The following LHFPL3 variants were observed in gnomAD, a reference collection of about 807,000 sequenced individuals.
LHFPL3 encodes LHFPL tetraspan subfamily member 3.
A neutral mutation model predicts 19.3 loss-of-function variants in LHFPL3; 5 were observed. The observed-to-expected ratio is 0.26, with a 90% confidence interval of 0.14 to 0.54. LHFPL3 has a LOEUF of 0.54. LHFPL3 is among the 20% of genes least tolerant of loss of function. LHFPL3 has a pLI of 0.94. For synonymous variants in LHFPL3, 133 were observed against 126.2 expected (o/e 1.05, Z -0.36); for missense variants, 249 against 307.4 (o/e 0.81, Z 1.42).
intron 2 of LHFPL3, among the ~76,000 whole-genome samples, chr7:104,749,887 A>G (rs1358033184): frequency 6.6e-6 from 1 of 152,172 alleles, no homozygotes; most frequent in African/African-American, 2.4e-5. Context: ...AGGATACCCT[A>G]TTCCTTCTCT....
At chr7:104,413,864 G>A (rs1791575130) in intron 1 of LHFPL3, among the ~76,000 whole-genome samples, 2 of 152,134 alleles carry the variant, frequency 1.3e-5, no homozygotes, top group African/African-American at 4.8e-5. Context: ...GAATCACCTG[G>A]TATTATTTTT....
At chr7:104,549,448 A>AACACACACACACACAC (rs61148155) in intron 1 of LHFPL3, among the ~76,000 whole-genome samples, 25 of 140,236 alleles carry the variant, frequency 1.8e-4, no homozygotes, top group East Asian at 8.5e-4. Context: ...CCCTTAACCC[A>AACACACACACACACAC]ACACACACAC....
chr7:104,345,412 T>C (rs1337113636), intron 1 of LHFPL3, among the ~76,000 whole-genome samples: 1 of 152,204 alleles, frequency 6.6e-6, no homozygotes, highest in Non-Finnish European at 1.5e-5. Flanking sequence ...TCTCTTGTTC[T>C]TTTTCTAACT....
intron 1 of LHFPL3, among the ~76,000 whole-genome samples, chr7:104,351,052 A>G (rs982592744): frequency 6.6e-5 from 10 of 151,972 alleles, no homozygotes; most frequent in African/African-American, 2.4e-4. Context: ...AAAAAAAAAA[A>G]AAAGGAAAGA....
At chr7:104,692,839 C>A (rs1792929075) in intron 1 of LHFPL3, among the ~76,000 whole-genome samples, 1 of 152,144 alleles carries the variant, frequency 6.6e-6, no homozygotes, top group Non-Finnish European at 1.5e-5. Flanking sequence ...GCACAGAGTC[C>A]CCACTAGGGC....
At chr7:104,378,144 T>A (rs1350022851) in intron 1 of LHFPL3, among the ~76,000 whole-genome samples, 3 of 152,196 alleles carry the variant, frequency 2.0e-5, no homozygotes, top group African/African-American at 7.2e-5. Context: ...AGTAGGTGTA[T>A]GTATTTATGA....
intron 1 of LHFPL3, among the ~76,000 whole-genome samples, chr7:104,728,961 A>G (rs979052531): frequency 4.6e-5 from 7 of 152,190 alleles, no homozygotes; most frequent in Non-Finnish European, 1.0e-4. Context: ...GTATAATTCA[A>G]TGAAATATAA....
intron 1 of LHFPL3, among the ~76,000 whole-genome samples, chr7:104,554,432 TC>T (rs1794719495): frequency 6.6e-6 from 1 of 152,126 alleles, no homozygotes; most frequent in Non-Finnish European, 1.5e-5. Flanking sequence ...ATATACTTTA[TC>T]CCCTTCAAAT....
rs542172609 is a variant in LHFPL3, at chr7:104,422,077, C to T, written c.445+92853C>T. On this transcript the variant is annotated intron_variant, in intron 1 of 2. Transcript: ENST00000424859. The stretch of plus-strand genomic sequence containing the variant: ...CCTCAGAACTGTAAAAAATACATTT[C>T]AGGCCGGGTGCAGTGGCTCACGCCT... 3.6e-3 allele frequency among the ~76,000 whole-genome samples: 548 copies of T among 152,258 alleles called. 5 individuals are homozygous for T. Among genetic ancestry groups the T allele is most frequent in the Non-Finnish European group, 4.6e-3 (313 of 68,012 alleles).
At chr7:104,793,282 A>G (rs1790058125) in intron 2 of LHFPL3, among the ~76,000 whole-genome samples, 1 of 152,216 alleles carries the variant, frequency 6.6e-6, no homozygotes, top group South Asian at 2.1e-4. Context: ...CCTCCTGGAC[A>G]AAAGAGGGGA....
intron 1 of LHFPL3, among the ~76,000 whole-genome samples, chr7:104,629,060 G>A (rs1398568887): frequency 6.6e-6 from 1 of 152,122 alleles, no homozygotes; most frequent in Non-Finnish European, 1.5e-5. Flanking sequence ...ATTTTGTTTG[G>A]ATATTATTCC....
At chr7:104,508,979 A>G (rs1202853305) in intron 1 of LHFPL3, among the ~76,000 whole-genome samples, 3 of 152,164 alleles carry the variant, frequency 2.0e-5, no homozygotes, top group Non-Finnish European at 2.9e-5. Flanking sequence ...ACAACTCTAT[A>G]TGATAAATTC....
At chr7:104,594,944 T>G (rs1340236930) in intron 1 of LHFPL3, among the ~76,000 whole-genome samples, 1 of 152,222 alleles carries the variant, frequency 6.6e-6, no homozygotes, top group South Asian at 2.1e-4. Flanking sequence ...TCGTCTAATC[T>G]CTTTTCAACG....
Position 104,631,797 on chromosome 7 carries a change from C to T in LHFPL3, c.446-104878C>T, listed in dbSNP as rs576944443. Among the ~76,000 whole-genome samples, 142 of 152,190 alleles carry T rather than the reference C, an allele frequency of 9.3e-4. 1 individual carries two copies. The highest frequency in any genetic ancestry group is 3.2e-3 in the African/African-American group (132 of 41,530). On this transcript the variant is annotated intron_variant, in intron 1 of 2. Transcript: ENST00000424859. ...TAGTGAAAATACCTGGTGATATTAGCCTAAGAAAAAGGGGGCATAGACAAG... is the reference window on the plus strand; with the variant it reads ...TAGTGAAAATACCTGGTGATATTAGTCTAAGAAAAAGGGGGCATAGACAAG...
At chr7:104,652,705 A>G (rs1032129355) in intron 1 of LHFPL3, among the ~76,000 whole-genome samples, 1 of 152,202 alleles carries the variant, frequency 6.6e-6, no homozygotes, top group African/African-American at 2.4e-5. Context: ...CCACTCTAAG[A>G]AGGGAGCAAA....
At chr7:104,358,666 T>C (rs761644288) in intron 1 of LHFPL3, among the ~76,000 whole-genome samples, 13 of 152,230 alleles carry the variant, frequency 8.5e-5, no homozygotes, top group Non-Finnish European at 1.2e-4. Flanking sequence ...GATCTTCAGA[T>C]ACAAGAAGCT....
rs560544988 is a variant in LHFPL3, at chr7:104,715,171, C to T, written c.446-21504C>T. ...AAAAAATAAGCTAGGAATGGTGCTGCCACTGCACTCTAACCTGAACGACAG... is the reference window on the plus strand; with the variant it reads ...AAAAAATAAGCTAGGAATGGTGCTGTCACTGCACTCTAACCTGAACGACAG... On this transcript the variant is annotated intron_variant, in intron 1 of 2. Transcript: ENST00000424859. Among the ~76,000 whole-genome samples the T allele has an allele frequency of 4.6e-5, 7 of 152,184 alleles. No homozygotes were observed. The East Asian group carries it at 1.2e-3, about 25-fold the overall frequency.
chr7:104,825,577 A>C (rs985724769), intron 2 of LHFPL3, among the ~76,000 whole-genome samples: 4 of 152,010 alleles, frequency 2.6e-5, no homozygotes, highest in African/African-American at 4.8e-5. Flanking sequence ...TCAGCTGCAC[A>C]TAACAAAAAA....
Position 104,373,599 on chromosome 7 carries a change from T to C in LHFPL3, c.445+44375T>C, listed in dbSNP as rs140197534. ...GGTGGTCGGGGTACAGTTTTGGTTT[T>C]ATACATTTTAGGAAGCCGTGAGACA... is the stretch of plus-strand genomic sequence containing the variant. On this transcript the variant is annotated intron_variant, in intron 1 of 2. Transcript: ENST00000424859. Among the ~76,000 whole-genome samples, 1,099 of 151,976 alleles carry C rather than the reference T, an allele frequency of 7.2e-3. 17 individuals are homozygous for C. Among genetic ancestry groups the C allele is most frequent in the African/African-American group, 0.025 (1,040 of 41,422 alleles).
Sources: gnomAD v4.1 joint callset for allele counts (sites outside exome capture counted in the v4.1 genomes callset) on GRCh38, gnomAD v4.1.1 for gene constraint, MANE v1.5 for transcripts, NCBI Gene and HGNC (gene_info 2026-07-23, HGNC 2026-07-21) for gene names.